The following TLL1 variants were observed in gnomAD, a reference collection of about 807,000 sequenced individuals.
TLL1 encodes tolloid-like protein 1.
A neutral mutation model predicts 128.2 loss-of-function variants in TLL1; 49 were observed. That is an observed-to-expected ratio of 0.38 (90% CI 0.30 to 0.48). TLL1 has a LOEUF of 0.48. TLL1 is among the 20% of genes least tolerant of loss of function. The probability of loss-of-function intolerance (pLI) is 0.96; values close to 1 mark genes in which losing one functional copy is unlikely to be tolerated. For missense variants in TLL1, 1,123 were observed against 1,242.0 expected (o/e 0.90, Z 1.44); for synonymous variants, 454 against 418.8 (o/e 1.08, Z -1.03).
intron 1 of TLL1, among the ~76,000 whole-genome samples, chr4:165,896,730 G>A (rs762454492): frequency 9.2e-5 from 14 of 152,074 alleles, no homozygotes; most frequent in South Asian, 4.2e-4. Context: ...TGATCTGCCC[G>A]CCTTGGCATC....
chr4:165,938,468 C>T (rs1372231678), intron 1 of TLL1, among the ~76,000 whole-genome samples: 1 of 152,072 alleles, frequency 6.6e-6, no homozygotes, highest in Non-Finnish European at 1.5e-5. Context: ...TCCATTATTT[C>T]TTTGAAATTT....
In TLL1 at chr4:166,101,079, C is replaced by A; in HGVS notation, c.*203C>A. The A allele has an allele frequency of 1.7e-6, 1 of 588,310 alleles. No homozygotes were observed. The highest frequency in any genetic ancestry group is 2.9e-6 in the Non-Finnish European group (1 of 343,586). The allele number at this position is 588,310 out of a possible 1,614,324, so 36.4% of individuals were successfully genotyped here. A position where few individuals can be genotyped will look rare whatever the true frequency, so the allele number is the denominator to read the frequency against. Reference sequence around the variant, plus strand: ...ATTACAAGGATATTTGAACTCCATGCTTGATGGTATTAATAAAGCTGGTGA... The same window carrying A: ...ATTACAAGGATATTTGAACTCCATGATTGATGGTATTAATAAAGCTGGTGA... On this transcript the variant is annotated 3_prime_UTR_variant, in exon 21 of 21. Coordinates refer to ENST00000061240, the MANE Select transcript of TLL1 (RefSeq NM_012464.5).
intron 1 of TLL1, among the ~76,000 whole-genome samples, chr4:165,962,004 T>C (rs1181906404): frequency 6.6e-6 from 1 of 152,128 alleles, no homozygotes; most frequent in Non-Finnish European, 1.5e-5. Context: ...AGAAATGTTC[T>C]TCTTGACATT....
chr4:165,984,829 A>G (rs1248593569), intron 1 of TLL1, among the ~76,000 whole-genome samples: 1 of 151,960 alleles, frequency 6.6e-6, no homozygotes, highest in Non-Finnish European at 1.5e-5. Flanking sequence ...CTGTCTTTTA[A>G]TTGCTTTAAA....
Position 166,075,014 on chromosome 4 carries a change from G to A in TLL1, c.2314+11G>A, listed in dbSNP as rs779349061. 3.7e-6 allele frequency: 6 copies of A among 1,612,810 alleles called. No individual in the cohort carries two copies. In the South Asian group the frequency reaches 6.6e-5, roughly 18 times the overall value. ...ATGATTGCAAGGAAGGTATGGAACG[G>A]AATACACTTTTTTTGACAACATGTA... On this transcript the variant is annotated intron_variant, in intron 17 of 20. Transcript: ENST00000061240.
At chr4:165,962,867 C>T (rs1735180931) in intron 1 of TLL1, among the ~76,000 whole-genome samples, 1 of 151,692 alleles carries the variant, frequency 6.6e-6, no homozygotes, top group Non-Finnish European at 1.5e-5. Flanking sequence ...ACCAGCCTGG[C>T]CAACATGCTG....
chr4:165,975,876 A>G (rs1807905), intron 1 of TLL1, among the ~76,000 whole-genome samples: 2,178 of 151,888 alleles, frequency 0.014, 75 homozygotes, highest in East Asian at 0.14. Flanking sequence ...CGTCTCTACT[A>G]AAAATACAAA....
chr4:166,084,829 T>C (rs768200760), intron 18 of TLL1, among the ~76,000 whole-genome samples: 1 of 152,118 alleles, frequency 6.6e-6, no homozygotes, highest in Non-Finnish European at 1.5e-5. Flanking sequence ...ATTCTAACTT[T>C]GGTTTTTTTG....
chr4:165,992,366 A>G (rs2111014824), intron 2 of TLL1, among the ~76,000 whole-genome samples: 1 of 152,176 alleles, frequency 6.6e-6, no homozygotes, highest in East Asian at 1.9e-4. Flanking sequence ...AACATGCATT[A>G]CACATTTGCT....
intron 1 of TLL1, among the ~76,000 whole-genome samples, chr4:165,904,198 G>T (rs1274870498): frequency 2.0e-5 from 3 of 152,056 alleles, no homozygotes; most frequent in Non-Finnish European, 4.4e-5. Flanking sequence ...GGAAGAACTT[G>T]CCTATGAATA....
intron 1 of TLL1, among the ~76,000 whole-genome samples, chr4:165,959,674 CA>C (rs1283889285): frequency 6.6e-6 from 1 of 151,990 alleles, no homozygotes; most frequent in African/African-American, 2.4e-5. Context: ...AAAATAGAAA[CA>C]AATAACAGGA....
chr4:166,031,363 CTTTTTTTT>C (rs35799879), intron 9 of TLL1, among the ~76,000 whole-genome samples: 35 of 102,274 alleles, frequency 3.4e-4, no homozygotes, highest in Non-Finnish European at 4.6e-4. Flanking sequence ...ATTGCAAGGT[CTTTTTTTT>C]TTTTTTTTTT....
intron 1 of TLL1, among the ~76,000 whole-genome samples, chr4:165,882,765 T>C (rs1731016638): frequency 6.6e-6 from 1 of 152,088 alleles, no homozygotes; most frequent in East Asian, 2.0e-4. Flanking sequence ...ATTACAGGCA[T>C]GCGCCACCAC....
intron 9 of TLL1, among the ~76,000 whole-genome samples, chr4:166,032,856 T>C (rs372033457): frequency 2.6e-4 from 40 of 152,172 alleles, no homozygotes; most frequent in African/African-American, 7.9e-4. Context: ...TGAGGGACCA[T>C]TGGGTCATTC....
At chr4:165,992,265 T>C (rs1044250471) in intron 2 of TLL1, among the ~76,000 whole-genome samples, 2 of 152,098 alleles carry the variant, frequency 1.3e-5, no homozygotes, top group Non-Finnish European at 2.9e-5. Context: ...TTTCTATAAA[T>C]TCAACTAAAT....
At chr4:165,944,895 T>A (rs1432946768) in intron 1 of TLL1, among the ~76,000 whole-genome samples, 2 of 152,222 alleles carry the variant, frequency 1.3e-5, no homozygotes, top group East Asian at 3.9e-4. Context: ...GAGATATCAA[T>A]TAGGCAGTGG....
intron 8 of TLL1, among the ~76,000 whole-genome samples, chr4:166,017,522 C>T (rs1477048657): frequency 6.6e-6 from 1 of 152,144 alleles, no homozygotes; most frequent in African/African-American, 2.4e-5. Flanking sequence ...AAACTGCTTT[C>T]CTCAATGGCT....
intron 1 of TLL1, among the ~76,000 whole-genome samples, chr4:165,906,355 A>G (rs948407861): frequency 2.6e-5 from 4 of 152,234 alleles, no homozygotes; most frequent in Admixed American, 6.5e-5. Flanking sequence ...TAACCTTATA[A>G]GGTAGATATT....
chr4:165,912,042 AT>A (rs1320158844), intron 1 of TLL1, among the ~76,000 whole-genome samples: 2 of 151,890 alleles, frequency 1.3e-5, no homozygotes, highest in East Asian at 3.9e-4. Context: ...TGCCCGGCTA[AT>A]TTTTTGTATT....
Sources: gnomAD v4.1 joint callset for allele counts (sites outside exome capture counted in the v4.1 genomes callset) on GRCh38, gnomAD v4.1.1 for gene constraint, MANE v1.5 for transcripts, NCBI Gene and HGNC (gene_info 2026-07-23, HGNC 2026-07-21) for gene names.